SMYD3: variants seen among roughly 807,000 people sequenced by gnomAD.
SMYD3 encodes SET and MYND domain containing 3.
In SMYD3, 36 loss-of-function variants were observed where a neutral mutation model predicts 57.7. That is an observed-to-expected ratio of 0.62 (90% CI 0.48 to 0.82). SMYD3 has a LOEUF of 0.82. SMYD3 is among the 40% of genes least tolerant of loss of function. The probability of loss-of-function intolerance (pLI) is 0.00; values close to 1 mark genes in which losing one functional copy is unlikely to be tolerated. For missense variants in SMYD3, 515 were observed against 538.8 expected, an observed-to-expected ratio of 0.96 and a Z score of 0.44; for synonymous variants, 211 against 195.0, an observed-to-expected ratio of 1.08 and a Z score of -0.68.
intron 5 of SMYD3, among the ~76,000 whole-genome samples, chr1:246,301,025 G>T (rs1053077250): frequency 5.3e-5 from 8 of 152,074 alleles, no homozygotes; most frequent in Non-Finnish European, 8.8e-5. Flanking sequence ...CAGCTTTGTA[G>T]AGATAGAAGT....
At chr1:246,076,330 G>C (rs929602075) in intron 5 of SMYD3, among the ~76,000 whole-genome samples, 1 of 152,166 alleles carries the variant, frequency 6.6e-6, no homozygotes, top group African/African-American at 2.4e-5. Context: ...CCTATATATA[G>C]TTAGCCAGCA....
At chr1:246,451,746 C>T (rs552590569) in intron 1 of SMYD3, among the ~76,000 whole-genome samples, 5 of 152,140 alleles carry the variant, frequency 3.3e-5, no homozygotes, top group Non-Finnish European at 7.3e-5. Flanking sequence ...AGGGTCTATG[C>T]GAACTCTCTG....
chr1:246,234,802 C>A (rs1269235217), intron 5 of SMYD3, among the ~76,000 whole-genome samples: 1 of 151,994 alleles, frequency 6.6e-6, no homozygotes, highest in African/African-American at 2.4e-5. Flanking sequence ...AGACAAGAAA[C>A]CTCTTTGACT....
intron 5 of SMYD3, among the ~76,000 whole-genome samples, chr1:245,939,906 T>C (rs2057154136): frequency 6.6e-6 from 1 of 152,278 alleles, no homozygotes; most frequent in South Asian, 2.1e-4. Flanking sequence ...CTTCATGTCA[T>C]TGAAAAAGAA....
intron 5 of SMYD3, among the ~76,000 whole-genome samples, chr1:246,176,728 G>T (rs554241415): frequency 6.6e-6 from 1 of 152,198 alleles, no homozygotes; most frequent in East Asian, 1.9e-4. Context: ...TTGCCATGTT[G>T]TCCAGGCTGG....
intron 5 of SMYD3, among the ~76,000 whole-genome samples, chr1:246,177,250 T>C (rs544762107): frequency 6.6e-6 from 1 of 152,342 alleles, no homozygotes; most frequent in Admixed American, 6.5e-5. Flanking sequence ...TGAGCAAATT[T>C]ACAACTTCAA....
At chr1:245,753,607 G>A (rs1424621905) in intron 11 of SMYD3, among the ~76,000 whole-genome samples, 1 of 131,326 alleles carries the variant, frequency 7.6e-6, no homozygotes. Flanking sequence ...CCTGGGCACA[G>A]CCCTTCAGCA....
chr1:245,937,433 T>C (rs2057032151), intron 5 of SMYD3, among the ~76,000 whole-genome samples: 1 of 152,064 alleles, frequency 6.6e-6, no homozygotes, highest in South Asian at 2.1e-4. Context: ...TAGTCACATA[T>C]TTGTCCACTG....
intron 5 of SMYD3, among the ~76,000 whole-genome samples, chr1:246,151,573 C>A (rs993803995): frequency 2.0e-5 from 3 of 152,178 alleles, no homozygotes; most frequent in Non-Finnish European, 4.4e-5. Context: ...AGGACCTAGC[C>A]TATAGTGTCA....
intron 5 of SMYD3, among the ~76,000 whole-genome samples, chr1:246,284,033 T>C (rs2064505204): frequency 6.6e-6 from 1 of 152,204 alleles, no homozygotes; most frequent in African/African-American, 2.4e-5. Flanking sequence ...ACTACATGAA[T>C]TTCTCAGAAA....
At chr1:246,006,339 C>G (rs2059167597) in intron 5 of SMYD3, among the ~76,000 whole-genome samples, 1 of 151,750 alleles carries the variant, frequency 6.6e-6, no homozygotes, top group African/African-American at 2.4e-5. Flanking sequence ...GGGGGCGGGA[C>G]AGGGGAGACA....
intron 5 of SMYD3, chr1:246,305,804 T>C (rs2064968210): frequency 6.6e-6 from 1 of 152,234 alleles, no homozygotes; most frequent in South Asian, 2.1e-4. Context: ...TCAGTCATTA[T>C]CTTATCTTAA....
chr1:246,114,116 T>G (rs968079742), intron 5 of SMYD3, among the ~76,000 whole-genome samples: 1 of 147,986 alleles, frequency 6.8e-6, no homozygotes, highest in Non-Finnish European at 1.5e-5. Context: ...AAGCACTAAT[T>G]TCAGATGGGC....
At chr1:245,962,928 C>G (rs1440709952) in intron 5 of SMYD3, among the ~76,000 whole-genome samples, 1 of 152,198 alleles carries the variant, frequency 6.6e-6, no homozygotes, top group Non-Finnish European at 1.5e-5. Flanking sequence ...AGACACGAAG[C>G]CTTTCTTTAT....
chr1:246,082,506 C>A (rs1049989485), intron 5 of SMYD3, among the ~76,000 whole-genome samples: 3 of 152,104 alleles, frequency 2.0e-5, no homozygotes, highest in African/African-American at 7.2e-5. Context: ...TTATCCACAA[C>A]CAATCAGCAG....
At chr1:246,325,288 GA>G (rs1192104801) in intron 5 of SMYD3, among the ~76,000 whole-genome samples, 1 of 106,204 alleles carries the variant, frequency 9.4e-6, no homozygotes, top group African/African-American at 3.6e-5. Flanking sequence ...GGGAAGGAGG[GA>G]GAAGGAGTTG....
chr1:246,478,098 T>C (rs951778436), intron 1 of SMYD3, among the ~76,000 whole-genome samples: 3 of 141,408 alleles, frequency 2.1e-5, no homozygotes. Flanking sequence ...AGAACATATG[T>C]GGCTAGGTAC....
chr1:246,131,447 TAGAAGAACCTTAGG>T (rs2061585627), intron 5 of SMYD3, among the ~76,000 whole-genome samples: 1 of 152,198 alleles, frequency 6.6e-6, no homozygotes, highest in South Asian at 2.1e-4. Flanking sequence ...CACTTTCACT[TAGAAGAACCTTAGG>T]TTCTTATTCA....
At chr1:246,493,653 TCAC>T (rs2068305638) in intron 1 of SMYD3, among the ~76,000 whole-genome samples, 1 of 152,146 alleles carries the variant, frequency 6.6e-6, no homozygotes, top group African/African-American at 2.4e-5. Flanking sequence ...AGCAGTAGTA[TCAC>T]CACTATTCCA....
Sources: gnomAD v4.1 joint callset for allele counts (sites outside exome capture counted in the v4.1 genomes callset) on GRCh38, gnomAD v4.1.1 for gene constraint, MANE v1.5 for transcripts, NCBI Gene and HGNC (gene_info 2026-07-23, HGNC 2026-07-21) for gene names.